The following CACUL1 variants were observed in gnomAD, a reference collection of about 807,000 sequenced individuals.
CACUL1 encodes the protein CDK2-associated and cullin domain-containing protein 1.
A neutral mutation model predicts 45.2 loss-of-function variants in CACUL1; 13 were observed. The ratio of observed to expected loss-of-function variants is 0.29; its 90% CI spans 0.19 to 0.46. The LOEUF (loss-of-function observed/expected upper bound fraction) is 0.46. Among genes scored for constraint, CACUL1 ranks in the 20% least tolerant of loss-of-function variants. The pLI is 1.00. For synonymous variants in CACUL1, 197 were observed against 174.2 expected (o/e 1.13, Z -1.03); for missense variants, 421 against 471.4 (o/e 0.89, Z 0.99).
intron 3 of CACUL1, among the ~76,000 whole-genome samples, chr10:118,725,850 A>G (rs1220440424): frequency 6.6e-6 from 1 of 152,220 alleles, no homozygotes; most frequent in African/African-American, 2.4e-5. Context: ...ACCAAAAATA[A>G]CTGGAGAATA....
intron 6 of CACUL1, chr10:118,693,559 T>C (rs919538068): frequency 3.0e-6 from 1 of 338,154 alleles, no homozygotes; most frequent in Non-Finnish European, 5.9e-6. Context: ...CTTTTCTACC[T>C]TTAGTGATAA....
In CACUL1 at chr10:118,676,828, A is replaced by G. The variant is rs1340020847; in HGVS notation, c.*9300T>C. On this transcript the variant is annotated 3_prime_UTR_variant, in exon 9 of 9. Coordinates refer to ENST00000369151, the MANE Select transcript of CACUL1 (RefSeq NM_153810.5). The stretch of plus-strand genomic sequence containing the variant: ...TTCAAATTTAAACATTTTAAAATAT[A>G]TATGTCTATGTACACACACACACAC... The G allele has an allele frequency of 4.1e-5, 5 of 121,152 alleles. No homozygotes were observed. The highest frequency in any genetic ancestry group is 8.5e-5 in the Non-Finnish European group (5 of 58,802). 7.5% of individuals were successfully genotyped at this position (121,152 alleles called of 1,614,324 possible).
chr10:118,725,909 T>C (rs12253480), intron 3 of CACUL1, among the ~76,000 whole-genome samples: 37,230 of 152,100 alleles, frequency 0.24, 5,246 homozygotes, highest in East Asian at 0.39. Flanking sequence ...AGGATATGCC[T>C]TGGGATAAAA....
rs187968919 is a variant in CACUL1 at position 118,704,669 on chromosome 10, C to T, written c.693+2823G>A. On this transcript the variant is annotated intron_variant, in intron 4 of 8. Transcript: ENST00000369151. Reference sequence around the variant, plus strand: ...TGCCCACCTTTGAGTAGTGTCCTTGCTTTAACCTTTTTTGTATATTCACAA... The same window carrying T: ...TGCCCACCTTTGAGTAGTGTCCTTGTTTTAACCTTTTTTGTATATTCACAA... 1.4e-4 allele frequency among the ~76,000 whole-genome samples: 22 copies of T among 152,272 alleles called. No individual in the cohort carries two copies. In the East Asian group the frequency reaches 2.9e-3, roughly 20 times the overall value.
At position 118,718,573 on chromosome 10, in the gene CACUL1, A is replaced by G. The variant is rs118106192; in HGVS notation, c.597+10722T>C. On this transcript the variant is annotated intron_variant, in intron 3 of 8. Coordinates refer to ENST00000369151, the MANE Select transcript of CACUL1 (RefSeq NM_153810.5). ...CCGTGAAGATATTTACTTTTATTTTATTTATTATTCTTATTTCTTTGAGAG... is the reference window on the plus strand; with the variant it reads ...CCGTGAAGATATTTACTTTTATTTTGTTTATTATTCTTATTTCTTTGAGAG... Among the ~76,000 whole-genome samples the G allele has an allele frequency of 6.0e-4, 91 of 152,150 alleles. 1 individual carries two copies. In the East Asian group the frequency reaches 0.016, roughly 27 times the overall value.
chr10:118,738,240 G>A (rs1376083465), intron 1 of CACUL1, among the ~76,000 whole-genome samples: 1 of 152,184 alleles, frequency 6.6e-6, no homozygotes, highest in Non-Finnish European at 1.5e-5. Flanking sequence ...AGAAAAGTCT[G>A]CAGACTCAAC....
intron 2 of CACUL1, 29 bp from the exon 3 acceptor site, chr10:118,729,426 C>CAAACCACA: frequency 6.6e-7 from 1 of 1,515,556 alleles, no homozygotes; most frequent in African/African-American, 1.4e-5. Context: ...CCCCCACAAA[C>CAAACCACA]CAAGTTAATC....
intron 3 of CACUL1, among the ~76,000 whole-genome samples, chr10:118,716,281 G>A (rs965150375): frequency 1.0e-4 from 15 of 147,736 alleles, no homozygotes; most frequent in South Asian, 2.1e-4. Flanking sequence ...ACCAACATTC[G>A]TAGAAAATTA....
At chr10:118,721,816 ACT>A (rs781731599) in intron 3 of CACUL1, among the ~76,000 whole-genome samples, 14 of 152,184 alleles carry the variant, frequency 9.2e-5, no homozygotes, top group Non-Finnish European at 1.6e-4. Context: ...GTGAAAATAT[ACT>A]CTCTTTTAGA....
At chr10:118,687,605 G>T (rs543018954) in intron 7 of CACUL1, among the ~76,000 whole-genome samples, 3 of 152,150 alleles carry the variant, frequency 2.0e-5, no homozygotes, top group Non-Finnish European at 4.4e-5. Flanking sequence ...ATCTCATGTA[G>T]AAGACAGATT....
rs555171467 is a variant in CACUL1 at position 118,733,032 on chromosome 10, C to T, written c.368-2622G>A. Among the ~76,000 whole-genome samples the T allele has an allele frequency of 7.0e-4, 107 of 152,296 alleles. 2 individuals carry two copies. Among genetic ancestry groups the T allele is most frequent in the African/African-American group, 2.4e-3 (101 of 41,564 alleles). On this transcript the variant is annotated intron_variant, in intron 1 of 8. Transcript: ENST00000369151. Reference sequence around the variant, plus strand: ...AGTAGTAACACCAGTAATTAACATACCTATCTTCTGGGCTCCTAAAATGCT... The same window carrying T: ...AGTAGTAACACCAGTAATTAACATATCTATCTTCTGGGCTCCTAAAATGCT...
chr10:118,748,915 A>T (rs1845870148), intron 1 of CACUL1, among the ~76,000 whole-genome samples: 1 of 152,182 alleles, frequency 6.6e-6, no homozygotes. Flanking sequence ...TGGAGGAAGA[A>T]AATGGACACA....
chr10:118,712,196 C>T (rs941759822), intron 3 of CACUL1, among the ~76,000 whole-genome samples: 2 of 152,214 alleles, frequency 1.3e-5, no homozygotes, highest in African/African-American at 4.8e-5. Context: ...CTGAGTTTTG[C>T]TCAGGCCTAC....
intron 6 of CACUL1, among the ~76,000 whole-genome samples, chr10:118,694,586 T>C (rs145102653): frequency 2.5e-4 from 38 of 152,358 alleles, no homozygotes; most frequent in African/African-American, 8.9e-4. Flanking sequence ...CAAAAGCTCC[T>C]TGGGATTCCT....
At chr10:118,707,253 C>T (rs756692619) in intron 4 of CACUL1, among the ~76,000 whole-genome samples, 4 of 152,132 alleles carry the variant, frequency 2.6e-5, no homozygotes, top group Non-Finnish European at 5.9e-5. Flanking sequence ...TGGGTGACTG[C>T]TAATCTTAAT....
At chr10:118,751,459 C>T (rs1340097113) in intron 1 of CACUL1, among the ~76,000 whole-genome samples, 2 of 152,172 alleles carry the variant, frequency 1.3e-5, no homozygotes, top group African/African-American at 4.8e-5. Flanking sequence ...TCCCTAACAA[C>T]ATATGACTCC....
In CACUL1 at chr10:118,715,594, T is replaced by G. The variant is rs118140687; in HGVS notation, c.598-8007A>C. On this transcript the variant is annotated intron_variant, in intron 3 of 8. Transcript: ENST00000369151. ...TTAATTAAACTAAGGAACCAAATAT[T>G]TACTTCATTTTAATTGTAATAGTTA... Among the ~76,000 whole-genome samples, 656 of 152,290 alleles carry G rather than the reference T, an allele frequency of 4.3e-3. 2 individuals carry two copies. Among genetic ancestry groups the G allele is most frequent in the Non-Finnish European group, 8.4e-3 (568 of 68,020 alleles).
intron 6 of CACUL1, 163 bp from the exon 7 acceptor site, chr10:118,691,566 C>A: frequency 1.5e-6 from 1 of 652,306 alleles, no homozygotes. Flanking sequence ...TTAAATTTCC[C>A]TTCTAAAAAG....
chr10:118,721,880 G>A (rs1845603989), intron 3 of CACUL1, among the ~76,000 whole-genome samples: 1 of 152,072 alleles, frequency 6.6e-6, no homozygotes. Context: ...GGGAGAAAAT[G>A]CCTCACAATT....
Sources: allele counts gnomAD v4.1 joint callset (sites outside exome capture counted in the v4.1 genomes callset), GRCh38; gene constraint gnomAD v4.1.1; transcripts MANE v1.5; gene names NCBI Gene and HGNC (gene_info 2026-07-23, HGNC 2026-07-21).